The following SPOCK1 variants were observed in gnomAD, a reference collection of about 807,000 sequenced individuals.
The protein encoded by SPOCK1 is SPARC (osteonectin), cwcv and kazal like domains proteoglycan 1, also known as testican-1.
SPOCK1 carries 23 observed loss-of-function variants against 55.3 expected under a neutral mutation model. That is an observed-to-expected ratio of 0.42 (90% CI 0.30 to 0.59). The LOEUF (loss-of-function observed/expected upper bound fraction) is 0.59, where lower values mean the gene tolerates loss of function less well. SPOCK1 is among the 20% of genes least tolerant of loss of function. The pLI is 0.22. For synonymous variants in SPOCK1, 226 were observed against 221.0 expected, an observed-to-expected ratio of 1.02 and a Z score of -0.20; for missense variants, 499 against 552.5, an observed-to-expected ratio of 0.90 and a Z score of 0.97.
chr5:137,469,246 T>C (rs1753683631), intron 2 of SPOCK1, among the ~76,000 whole-genome samples: 1 of 152,254 alleles, frequency 6.6e-6, no homozygotes. Flanking sequence ...TTTCATTGCT[T>C]GCCCTCAAGG....
chr5:137,382,627 G>C (rs1751496981), intron 2 of SPOCK1, among the ~76,000 whole-genome samples: 1 of 152,208 alleles, frequency 6.6e-6, no homozygotes, highest in Non-Finnish European at 1.5e-5. Context: ...AGGAGAGACA[G>C]AGTAAGGGGG....
At chr5:137,129,669 A>C (rs1753838543) in intron 4 of SPOCK1, among the ~76,000 whole-genome samples, 1 of 152,184 alleles carries the variant, frequency 6.6e-6, no homozygotes, top group African/African-American at 2.4e-5. Context: ...CAGGGGCTTG[A>C]TGTGCAGGTC....
chr5:137,198,876 C>T (rs1446541992), intron 3 of SPOCK1, among the ~76,000 whole-genome samples: 4 of 152,086 alleles, frequency 2.6e-5, no homozygotes, highest in Admixed American at 2.0e-4. Flanking sequence ...AAATACTAAA[C>T]GACTGAATAA....
chr5:137,385,831 G>A (rs1751589383), intron 2 of SPOCK1, among the ~76,000 whole-genome samples: 1 of 152,216 alleles, frequency 6.6e-6, no homozygotes, highest in African/African-American at 2.4e-5. Flanking sequence ...ATGTTCTTGA[G>A]CAGGGATCAG....
chr5:137,026,576 C>A (rs566780641), intron 6 of SPOCK1, among the ~76,000 whole-genome samples: 25 of 152,306 alleles, frequency 1.6e-4, no homozygotes, highest in Middle Eastern at 3.4e-3. Flanking sequence ...TCAGCCAATT[C>A]CTTCAATACA....
In SPOCK1 at chr5:137,160,606, T is replaced by A. The variant is rs796205302; in HGVS notation, c.233-19912A>T. ...TATATAATATATAATATATTATATA[T>A]AATATATAATATATATTTTATATAA... On this transcript the variant is annotated intron_variant, in intron 3 of 10. Transcript: ENST00000394945. Among the ~76,000 whole-genome samples, 74 of 60,330 alleles carry A rather than the reference T, an allele frequency of 1.2e-3. 1 individual carries two copies. The highest frequency in any genetic ancestry group is 5.7e-3 in the Middle Eastern group (1 of 174). The allele number at this position is 60,330 out of a possible 152,430, so 39.6% of individuals were successfully genotyped here. A position where few individuals can be genotyped will look rare whatever the true frequency, so the allele number is the denominator to read the frequency against.
rs150954031 is a variant in SPOCK1, at chr5:137,037,135, C to T, written c.589+30580G>A. Among the ~76,000 whole-genome samples the T allele has an allele frequency of 7.6e-3, 1,156 of 152,128 alleles. 11 individuals are homozygous for T. Among genetic ancestry groups the T allele is most frequent in the Non-Finnish European group, 0.012 (827 of 68,000 alleles). On this transcript the variant is annotated intron_variant, in intron 6 of 10. Coordinates refer to ENST00000394945, the MANE Select transcript of SPOCK1 (RefSeq NM_004598.4). ...GTATACCTGAATCCAAGGCACCCTT[C>T]TCCCCTACTTAGGAAGAAAGACAGG...
chr5:137,380,398 T>A (rs577354202), intron 2 of SPOCK1, among the ~76,000 whole-genome samples: 1 of 152,328 alleles, frequency 6.6e-6, no homozygotes, highest in East Asian at 1.9e-4. Flanking sequence ...ATCTAATGTA[T>A]GAGTGTGAGC....
chr5:137,059,314 A>G (rs1561594127), intron 6 of SPOCK1, among the ~76,000 whole-genome samples: 1 of 152,260 alleles, frequency 6.6e-6, no homozygotes, highest in Non-Finnish European at 1.5e-5. Flanking sequence ...AAATATATGT[A>G]TGATATATAA....
chr5:137,165,790 T>C (rs928278533), intron 3 of SPOCK1, among the ~76,000 whole-genome samples: 5 of 151,698 alleles, frequency 3.3e-5, no homozygotes, highest in African/African-American at 1.2e-4. Context: ...TGCATCAGAG[T>C]CTTTTAATAG....
At chr5:137,445,501 A>T (rs1464745562) in intron 2 of SPOCK1, among the ~76,000 whole-genome samples, 1 of 152,218 alleles carries the variant, frequency 6.6e-6, no homozygotes, top group Non-Finnish European at 1.5e-5. Context: ...TCTCACAAGA[A>T]GTAATGTACA....
chr5:137,178,508 C>T (rs1280786087), intron 3 of SPOCK1, among the ~76,000 whole-genome samples: 12 of 152,314 alleles, frequency 7.9e-5, no homozygotes, highest in Admixed American at 6.5e-4. Flanking sequence ...TTAAGGAGAC[C>T]GAGGCTCAGA....
intron 5 of SPOCK1, among the ~76,000 whole-genome samples, chr5:137,071,735 C>A (rs1342278662): frequency 2.0e-5 from 3 of 152,110 alleles, no homozygotes; most frequent in Admixed American, 6.5e-5. Flanking sequence ...GAGCCCACGG[C>A]CTCCCACAGA....
At chr5:137,051,785 C>G (rs377031093) in intron 6 of SPOCK1, among the ~76,000 whole-genome samples, 15 of 152,150 alleles carry the variant, frequency 9.9e-5, no homozygotes, top group African/African-American at 3.4e-4. Context: ...AGCATACACG[C>G]ACACATACAC....
At chr5:137,013,824 G>T (rs1751398805) in intron 6 of SPOCK1, among the ~76,000 whole-genome samples, 1 of 152,120 alleles carries the variant, frequency 6.6e-6, no homozygotes, top group Non-Finnish European at 1.5e-5. Flanking sequence ...TGCATCTACT[G>T]CTAATATTGC....
At chr5:136,985,066 G>A in intron 9 of SPOCK1, 74 bp downstream of exon 9, 5 of 1,401,664 alleles carry the variant, frequency 3.6e-6, no homozygotes, top group Non-Finnish European at 5.1e-6. Context: ...AATAACCATT[G>A]CCATGCTGAT....
intron 2 of SPOCK1, among the ~76,000 whole-genome samples, chr5:137,292,405 C>T (rs1341881333): frequency 8.7e-6 from 1 of 114,848 alleles, no homozygotes. Flanking sequence ...AAACCCTATG[C>T]TGTCCATTCA....
rs1438464942 is a variant in SPOCK1, at chr5:136,978,164, G to T, written c.*490C>A. 2.6e-6 allele frequency: 1 copy of T among 380,948 alleles called. No homozygotes were observed. 23.6% of individuals were successfully genotyped at this position (380,948 alleles called of 1,614,324 possible). ...ATAATAATCACCGGCAGTAACGGGGGCAGGGGGAAAAAGTACAGTGTGGTG... is the reference window on the plus strand; with the variant it reads ...ATAATAATCACCGGCAGTAACGGGGTCAGGGGGAAAAAGTACAGTGTGGTG... On this transcript the variant is annotated 3_prime_UTR_variant, in exon 11 of 11. Coordinates refer to ENST00000394945, the MANE Select transcript of SPOCK1 (RefSeq NM_004598.4).
At chr5:137,215,962 G>T (rs746246534) in intron 3 of SPOCK1, among the ~76,000 whole-genome samples, 2 of 152,158 alleles carry the variant, frequency 1.3e-5, no homozygotes, top group Admixed American at 1.3e-4. Flanking sequence ...GCAGAACTGC[G>T]GTTCAATCCA....
Sources: allele counts gnomAD v4.1 joint callset (sites outside exome capture counted in the v4.1 genomes callset), GRCh38; gene constraint gnomAD v4.1.1; transcripts MANE v1.5; gene names NCBI Gene and HGNC (gene_info 2026-07-23, HGNC 2026-07-21).